Variants in RBFOX3 observed in about 807,000 individuals in gnomAD.
RBFOX3 encodes the protein RNA binding protein fox-1 homolog 3.
RBFOX3 carries 17 observed loss-of-function variants against 48.7 expected under a neutral mutation model. The observed-to-expected ratio is 0.35, with a 90% CI of 0.24 to 0.52. RBFOX3 has a LOEUF of 0.52. RBFOX3 is among the 20% of genes least tolerant of loss of function. The probability of loss-of-function intolerance (pLI) is 0.94; values close to 1 mark genes in which losing one functional copy is unlikely to be tolerated. For synonymous variants in RBFOX3, 212 were observed against 209.5 expected, an observed-to-expected ratio of 1.01 and a Z score of -0.10; for missense variants, 382 against 497.5, an observed-to-expected ratio of 0.77 and a Z score of 2.21.
intron 4 of RBFOX3, among the ~76,000 whole-genome samples, chr17:79,147,682 G>C (rs2043322174): frequency 6.6e-6 from 1 of 152,246 alleles, no homozygotes; most frequent in Admixed American, 6.5e-5. Context: ...AATCAGCCTT[G>C]CACACCCCTG....
At chr17:79,165,373 G>A (rs933322929) in intron 4 of RBFOX3, among the ~76,000 whole-genome samples, 1 of 152,148 alleles carries the variant, frequency 6.6e-6, no homozygotes. Context: ...ATGAAGTGCC[G>A]GCTCCTCATT....
chr17:79,296,922 C>A, intron 3 of RBFOX3, among the ~76,000 whole-genome samples: 1 of 121,160 alleles, frequency 8.3e-6, no homozygotes, highest in South Asian at 3.2e-4. Flanking sequence ...CATCCCCTCT[C>A]TCTCCTCCCC....
chr17:79,610,875 C>G lies in RBFOX3; in HGVS notation c.-369G>C, dbSNP rs1438293354. On this transcript the variant is annotated 5_prime_UTR_variant, in exon 1 of 15. Coordinates refer to ENST00000693108, the MANE Select transcript of RBFOX3 (RefSeq NM_001350451.2). ...TGACTGGGGGCCGGCGGCCATGCCCCGGCTGCATCCCGGCCGCCGAGCGGG... is the reference window on the plus strand; with the variant it reads ...TGACTGGGGGCCGGCGGCCATGCCCGGGCTGCATCCCGGCCGCCGAGCGGG... Among the ~76,000 whole-genome samples, 1 of 151,634 alleles carries G rather than the reference C, an allele frequency of 6.6e-6. No homozygotes were observed. The highest frequency in any genetic ancestry group is 1.5e-5 in the Non-Finnish European group (1 of 67,870).
chr17:79,501,074 G>A (rs1239223023), intron 1 of RBFOX3, among the ~76,000 whole-genome samples: 3 of 152,212 alleles, frequency 2.0e-5, no homozygotes, highest in East Asian at 1.9e-4. Flanking sequence ...CACAGCGCAC[G>A]TGGCGTAAAT....
At chr17:79,117,168 GC>G (rs1215961945) in intron 4 of RBFOX3, among the ~76,000 whole-genome samples, 1 of 152,196 alleles carries the variant, frequency 6.6e-6, no homozygotes. Flanking sequence ...CGAGGCACTC[GC>G]CCCCCCAGGA....
chr17:79,263,677 A>T (rs1022141128), intron 3 of RBFOX3, among the ~76,000 whole-genome samples: 1 of 152,158 alleles, frequency 6.6e-6, no homozygotes, highest in Non-Finnish European at 1.5e-5. Context: ...CCCAGGCTCC[A>T]TGAGAGCTAG....
chr17:79,544,432 C>T (rs911132567), intron 1 of RBFOX3, among the ~76,000 whole-genome samples: 9 of 152,180 alleles, frequency 5.9e-5, no homozygotes, highest in Middle Eastern at 3.4e-3. Context: ...TCTCCCCAGT[C>T]GCTGGGGCAC....
chr17:79,538,410 T>C (rs1181135917), intron 1 of RBFOX3, among the ~76,000 whole-genome samples: 1 of 152,208 alleles, frequency 6.6e-6, no homozygotes, highest in Admixed American at 6.5e-5. Flanking sequence ...TTGCAGTCCA[T>C]GAGGCACCGC....
chr17:79,395,569 C>T (rs1190239371), intron 2 of RBFOX3, among the ~76,000 whole-genome samples: 1 of 152,204 alleles, frequency 6.6e-6, no homozygotes, highest in Admixed American at 6.5e-5. Flanking sequence ...AGCGAGGTTC[C>T]CTTCACACTG....
rs553425116 is a variant in RBFOX3, at chr17:79,278,945, G to A, written c.-74+28779C>T. ...CACTTTTGTGGGGCCAGCTGCCTCTGCCTCTGTCATCCCACTTACATCTCC... is the reference window on the plus strand; with the variant it reads ...CACTTTTGTGGGGCCAGCTGCCTCTACCTCTGTCATCCCACTTACATCTCC... On this transcript the variant is annotated intron_variant, in intron 3 of 14. Coordinates refer to ENST00000693108, the MANE Select transcript of RBFOX3 (RefSeq NM_001350451.2). 4.3e-4 allele frequency among the ~76,000 whole-genome samples: 65 copies of A among 152,246 alleles called. 1 individual carries two copies. The highest frequency in any genetic ancestry group is 1.5e-3 in the African/African-American group (62 of 41,560).
At chr17:79,630,298 T>A in the RBFOX3 span, among the ~76,000 whole-genome samples, 1 of 152,228 alleles carries the variant, frequency 6.6e-6, no homozygotes, top group South Asian at 2.1e-4. Flanking sequence ...ATGCAGCACC[T>A]CCGTGCCCAG....
rs373958779 is a variant in RBFOX3, at chr17:79,477,473, G to C, written c.-175+4981C>G. 6.6e-6 allele frequency among the ~76,000 whole-genome samples: 1 copy of C among 150,492 alleles called. No individual in the cohort carries two copies. Among genetic ancestry groups the C allele is most frequent in the African/African-American group, 2.4e-5 (1 of 40,852 alleles). On this transcript the variant is annotated intron_variant, in intron 2 of 14. Coordinates refer to ENST00000693108, the MANE Select transcript of RBFOX3 (RefSeq NM_001350451.2). This position sits in a 1 kb window ranked among gnomAD's most constrained non-coding sequence, Gnocchi z 4.8. ...TGGGAGGCTGAGGCAGGAGAATGGC[G>C]TGAACCCGGGAGGCGGAGTTTGCAG...
intron 4 of RBFOX3, among the ~76,000 whole-genome samples, chr17:79,197,856 G>A (rs1379273515): frequency 1.3e-5 from 2 of 151,928 alleles, no homozygotes; most frequent in African/African-American, 4.8e-5. Flanking sequence ...CCCAAACCAC[G>A]GGCAAGCAGG....
At position 79,391,918 on chromosome 17, in the gene RBFOX3, A is replaced by G. The variant is rs1568168692; in HGVS notation, c.-174-84094T>C. ...CAGGTCCCCTCCTTCCCGGTTCTGA[A>G]GCTCACAGGTCGCGGGTTTGCTGAG... On this transcript the variant is annotated intron_variant, in intron 2 of 14. Coordinates refer to ENST00000693108, the MANE Select transcript of RBFOX3 (RefSeq NM_001350451.2). This position sits in a 1 kb window ranked among gnomAD's most constrained non-coding sequence, Gnocchi z 5.0. Among the ~76,000 whole-genome samples, 1 of 151,742 alleles carries G rather than the reference A, an allele frequency of 6.6e-6. No individual in the cohort carries two copies. Among genetic ancestry groups the G allele is most frequent in the Non-Finnish European group, 1.5e-5 (1 of 67,966 alleles).
chr17:79,625,665 G>C, the RBFOX3 span, among the ~76,000 whole-genome samples: 1 of 150,064 alleles, frequency 6.7e-6, no homozygotes, highest in Non-Finnish European at 1.5e-5. Context: ...GGCACTAGGT[G>C]CCCATAATCC....
the RBFOX3 span, among the ~76,000 whole-genome samples, chr17:79,647,724 G>T: frequency 2.5e-4 from 38 of 152,148 alleles, no homozygotes; most frequent in African/African-American, 8.7e-4. Flanking sequence ...CATGACCAGG[G>T]CCTTGTGGCT....
At chr17:79,157,828 A>C (rs2046152579) in intron 4 of RBFOX3, among the ~76,000 whole-genome samples, 1 of 152,154 alleles carries the variant, frequency 6.6e-6, no homozygotes, top group African/African-American at 2.4e-5. Context: ...CCAGATGAAC[A>C]ATGAGTGCTG....
At position 79,418,221 on chromosome 17, in the gene RBFOX3, G is replaced by A. The variant is rs1282622091; in HGVS notation, c.-175+64233C>T. Among the ~76,000 whole-genome samples, 1 of 152,206 alleles carries A rather than the reference G, an allele frequency of 6.6e-6. No individual in the cohort carries two copies. Among genetic ancestry groups the A allele is most frequent in the Admixed American group, 6.5e-5 (1 of 15,280 alleles). On this transcript the variant is annotated intron_variant, in intron 2 of 14. Coordinates refer to ENST00000693108, the MANE Select transcript of RBFOX3 (RefSeq NM_001350451.2). This position sits in a 1 kb window ranked among gnomAD's most constrained non-coding sequence, Gnocchi z 5.0. Reference sequence around the variant, plus strand: ...GTTAAGATGGTACATTTTATGTTATGCATATTTTACCACAACGACAAAAAG... The same window carrying A: ...GTTAAGATGGTACATTTTATGTTATACATATTTTACCACAACGACAAAAAG...
chr17:79,213,301 A>G (rs977226173), intron 4 of RBFOX3, among the ~76,000 whole-genome samples: 2 of 152,228 alleles, frequency 1.3e-5, no homozygotes, highest in Non-Finnish European at 2.9e-5. Context: ...GCACTCACCC[A>G]GGAAGGGGAA....
Sources: allele counts gnomAD v4.1 joint callset (sites outside exome capture counted in the v4.1 genomes callset), GRCh38; gene constraint gnomAD v4.1.1; non-coding constraint Gnocchi (gnomAD v3.1); transcripts MANE v1.5; gene names NCBI Gene and HGNC (gene_info 2026-07-23, HGNC 2026-07-21).